L3MBTL4: variants seen among roughly 807,000 people sequenced by gnomAD.
L3MBTL4 encodes lethal(3)malignant brain tumor-like protein 4.
L3MBTL4 carries 70 observed loss-of-function variants against 84.5 expected under a neutral mutation model. The observed-to-expected ratio is 0.83, with a 90% CI of 0.68 to 1.01. The LOEUF (loss-of-function observed/expected upper bound fraction) is 1.01, where lower values mean the gene tolerates loss of function less well. Ranked by LOEUF, L3MBTL4 falls within the 50% of genes least tolerant of loss-of-function variation. The probability of loss-of-function intolerance (pLI) is 0.00; values close to 1 mark genes in which losing one functional copy is unlikely to be tolerated. For missense variants in L3MBTL4, 715 were observed against 754.8 expected, an observed-to-expected ratio of 0.95 and a Z score of 0.62; for synonymous variants, 274 against 259.8, an observed-to-expected ratio of 1.05 and a Z score of -0.52.
chr18:6,277,988 T>C (rs2049162158), intron 4 of L3MBTL4, among the ~76,000 whole-genome samples: 1 of 152,056 alleles, frequency 6.6e-6, no homozygotes, highest in Non-Finnish European at 1.5e-5. Context: ...ACCTATGTGT[T>C]TATATATACA....
intron 1 of L3MBTL4, among the ~76,000 whole-genome samples, chr18:6,409,298 A>C (rs2055867626): frequency 6.6e-6 from 1 of 152,216 alleles, no homozygotes; most frequent in Non-Finnish European, 1.5e-5. Context: ...ATAAATCATC[A>C]TAACAATAAT....
At chr18:6,398,601 T>C (rs1183507247) in intron 1 of L3MBTL4, among the ~76,000 whole-genome samples, 2 of 152,144 alleles carry the variant, frequency 1.3e-5, no homozygotes, top group African/African-American at 2.4e-5. Context: ...CGCCTTCTTG[T>C]TTTGGTAAAG....
At chr18:6,183,516 A>G (rs2145388089) in intron 12 of L3MBTL4, among the ~76,000 whole-genome samples, 1 of 152,262 alleles carries the variant, frequency 6.6e-6, no homozygotes, top group East Asian at 1.9e-4. Flanking sequence ...TTCAATATGC[A>G]CTCTTGATTT....
At chr18:5,965,818 C>G (rs2052325811) in intron 17 of L3MBTL4, among the ~76,000 whole-genome samples, 1 of 152,144 alleles carries the variant, frequency 6.6e-6, no homozygotes, top group Non-Finnish European at 1.5e-5. Context: ...GTTGGGGAGA[C>G]AGCAAGACTA....
At chr18:6,066,889 G>A (rs1234088274) in intron 16 of L3MBTL4, among the ~76,000 whole-genome samples, 5 of 149,518 alleles carry the variant, frequency 3.3e-5, no homozygotes, top group African/African-American at 1.2e-4. Context: ...TACTGTTCTA[G>A]TGATCATATT....
intron 16 of L3MBTL4, among the ~76,000 whole-genome samples, chr18:6,014,447 A>G (rs1043635743): frequency 6.6e-6 from 1 of 152,232 alleles, no homozygotes; most frequent in Non-Finnish European, 1.5e-5. Flanking sequence ...GAGGAGAAGT[A>G]GAGGCTGCTC....
At chr18:6,287,405 C>T (rs2049643397) in intron 4 of L3MBTL4, among the ~76,000 whole-genome samples, 1 of 152,200 alleles carries the variant, frequency 6.6e-6, no homozygotes, top group South Asian at 2.1e-4. Context: ...TTCTCTGATG[C>T]TTTCCCTTCC....
At chr18:6,213,344 T>C in intron 11 of L3MBTL4, 85 bp from the exon 12 acceptor site, 1 of 703,226 alleles carries the variant, frequency 1.4e-6, no homozygotes, top group Non-Finnish European at 2.4e-6. Context: ...ATACTACTGT[T>C]TTAGTTTTAA....
intron 16 of L3MBTL4, among the ~76,000 whole-genome samples, chr18:6,019,630 C>T (rs2055160479): frequency 6.6e-6 from 1 of 152,142 alleles, no homozygotes; most frequent in Non-Finnish European, 1.5e-5. Context: ...TTTAATCCTC[C>T]CTACAGTTTT....
chr18:6,255,413 T>C (rs1165402221), intron 5 of L3MBTL4, among the ~76,000 whole-genome samples: 1 of 152,206 alleles, frequency 6.6e-6, no homozygotes, highest in Non-Finnish European at 1.5e-5. Flanking sequence ...CAATCACCAT[T>C]TCAGAGACAC....
intron 1 of L3MBTL4, among the ~76,000 whole-genome samples, chr18:6,333,458 C>T (rs1219882452): frequency 4.6e-5 from 7 of 151,902 alleles, no homozygotes; most frequent in African/African-American, 1.7e-4. Context: ...GCCTGTAGTC[C>T]CAGCTACGTG....
chr18:6,211,644 G>GA (rs1219796539), intron 12 of L3MBTL4, among the ~76,000 whole-genome samples: 1 of 151,396 alleles, frequency 6.6e-6, no homozygotes, highest in Non-Finnish European at 1.5e-5. Context: ...TCTTAGAAAT[G>GA]AAATACTTTT....
chr18:6,029,437 A>G (rs183974947), intron 16 of L3MBTL4: 14,597 of 961,928 alleles, frequency 0.015, 143 homozygotes, highest in Non-Finnish European at 0.017. Flanking sequence ...ATTACATGAA[A>G]AAAATTACAA....
At chr18:6,203,010 C>A (rs762404485) in intron 12 of L3MBTL4, among the ~76,000 whole-genome samples, 18 of 152,278 alleles carry the variant, frequency 1.2e-4, no homozygotes, top group Admixed American at 5.2e-4. Context: ...ATTAAAATCA[C>A]CTGGGAGAGC....
chr18:6,071,636 AAAAG>A (rs1457687154), intron 16 of L3MBTL4, among the ~76,000 whole-genome samples: 2 of 150,342 alleles, frequency 1.3e-5, no homozygotes, highest in East Asian at 3.9e-4. Context: ...GATCCCATAA[AAAAG>A]AAAGAAAGAA....
At chr18:6,071,683 GAGA>G (rs2057611821) in intron 16 of L3MBTL4, among the ~76,000 whole-genome samples, 1 of 102,220 alleles carries the variant, frequency 9.8e-6, no homozygotes, top group Non-Finnish European at 1.7e-5. Flanking sequence ...AAAAGAAAGA[GAGA>G]AAGAAAGAAA....
At chr18:6,070,974 T>C (rs926199569) in intron 16 of L3MBTL4, among the ~76,000 whole-genome samples, 3 of 152,054 alleles carry the variant, frequency 2.0e-5, no homozygotes, top group Non-Finnish European at 4.4e-5. Context: ...ATATTAAAAA[T>C]AAATAAACAA....
chr18:6,215,620 C>A, intron 11 of L3MBTL4, 130 bp downstream of exon 11: 2 of 487,144 alleles, frequency 4.1e-6, no homozygotes, highest in Non-Finnish European at 7.2e-6. Flanking sequence ...AAAAGAAAAG[C>A]ATATTGGTTA....
chr18:6,381,904 C>CT (rs2054608988), intron 1 of L3MBTL4, among the ~76,000 whole-genome samples: 1 of 152,204 alleles, frequency 6.6e-6, no homozygotes, highest in African/African-American at 2.4e-5. Context: ...AGAAGTTCTC[C>CT]TGGATAATAT....
Sources: allele counts gnomAD v4.1 joint callset (sites outside exome capture counted in the v4.1 genomes callset), GRCh38; gene constraint gnomAD v4.1.1; transcripts MANE v1.5; gene names NCBI Gene and HGNC (gene_info 2026-07-23, HGNC 2026-07-21).